Variants in SLC35F3 observed in about 807,000 individuals in gnomAD.
SLC35F3 encodes solute carrier family 35 member F3, also known as putative thiamine transporter SLC35F3.
In SLC35F3, 25 loss-of-function variants were observed where a neutral mutation model predicts 49.9. The ratio of observed to expected loss-of-function variants is 0.50; its 90% confidence interval spans 0.37 to 0.70. The LOEUF is 0.70. SLC35F3 is among the 30% of genes least tolerant of loss of function. SLC35F3 has a pLI of 0.00. For synonymous variants in SLC35F3, 275 were observed against 265.4 expected (o/e 1.04, Z -0.35); for missense variants, 525 against 639.8 (o/e 0.82, Z 1.94).
At chr1:234,041,049 C>T (rs1162329592) in intron 2 of SLC35F3, among the ~76,000 whole-genome samples, 2 of 152,104 alleles carry the variant, frequency 1.3e-5, no homozygotes, top group East Asian at 1.9e-4. Flanking sequence ...GAGGTATATT[C>T]GTTTTTAACT....
chr1:234,152,357 T>C (rs962764013), intron 2 of SLC35F3, among the ~76,000 whole-genome samples: 1 of 152,082 alleles, frequency 6.6e-6, no homozygotes, highest in Non-Finnish European at 1.5e-5. Flanking sequence ...CTACGTTAGG[T>C]ATTTCTCCTA....
chr1:234,040,359 G>T (rs74953868), intron 2 of SLC35F3, among the ~76,000 whole-genome samples: 1 of 152,106 alleles, frequency 6.6e-6, no homozygotes, highest in Non-Finnish European at 1.5e-5. Flanking sequence ...GTAAAAAGAC[G>T]TTATTCAAAA....
chr1:234,016,472 G>A (rs1393288713), intron 2 of SLC35F3, among the ~76,000 whole-genome samples: 2 of 152,186 alleles, frequency 1.3e-5, no homozygotes, highest in Non-Finnish European at 2.9e-5. Context: ...TCTTTAAAAG[G>A]AAGGACATTC....
intron 2 of SLC35F3, among the ~76,000 whole-genome samples, chr1:234,054,829 G>A (rs1469540521): frequency 6.6e-6 from 1 of 152,060 alleles, no homozygotes; most frequent in Admixed American, 6.6e-5. Context: ...TTTTGGTGTG[G>A]ATGTCCTTTC....
At position 234,134,247 on chromosome 1, in the gene SLC35F3, G is replaced by T. The variant is rs2102899655; in HGVS notation, c.284-97170G>T. On this transcript the variant is annotated intron_variant, in intron 2 of 7. Transcript: ENST00000366618. Reference sequence around the variant, plus strand: ...CTCTTGTAAAGTGTATTTTCTAATGGGAAAATTGTATATATATAATTAATT... The same window carrying T: ...CTCTTGTAAAGTGTATTTTCTAATGTGAAAATTGTATATATATAATTAATT... Among the ~76,000 whole-genome samples the T allele has an allele frequency of 1.3e-5, 2 of 149,146 alleles. 1 individual carries two copies. Among genetic ancestry groups the T allele is most frequent in the Middle Eastern group, 7.1e-3 (2 of 282 alleles).
intron 2 of SLC35F3, among the ~76,000 whole-genome samples, chr1:233,980,599 A>C (rs1479192344): frequency 6.6e-6 from 1 of 152,150 alleles, no homozygotes; most frequent in Non-Finnish European, 1.5e-5. Context: ...GTGACTAAAG[A>C]CTGAGGGCAC....
intron 2 of SLC35F3, among the ~76,000 whole-genome samples, chr1:234,181,284 C>T (rs1328751078): frequency 1.5e-5 from 2 of 135,840 alleles, no homozygotes; most frequent in Admixed American, 1.7e-4. Flanking sequence ...TGCAGTGAGT[C>T]GAGATTGTGT....
intron 3 of SLC35F3, among the ~76,000 whole-genome samples, chr1:234,280,254 T>C (rs1234608735): frequency 6.6e-6 from 1 of 152,218 alleles, no homozygotes; most frequent in Non-Finnish European, 1.5e-5. Context: ...GCCTACCAAA[T>C]CATTTTAGGC....
chr1:234,104,836 A>T (rs746588764), intron 2 of SLC35F3, among the ~76,000 whole-genome samples: 15 of 152,214 alleles, frequency 9.9e-5, no homozygotes, highest in Non-Finnish European at 1.9e-4. Flanking sequence ...TTGAGATTTA[A>T]AACAATCTTT....
At chr1:234,232,602 C>T (rs1667403011) in intron 3 of SLC35F3, among the ~76,000 whole-genome samples, 1 of 147,796 alleles carries the variant, frequency 6.8e-6, no homozygotes, top group South Asian at 2.2e-4. Flanking sequence ...GCCCTGGAAA[C>T]TTTTATCAGC....
At chr1:234,257,276 A>C (rs1353119371) in intron 3 of SLC35F3, among the ~76,000 whole-genome samples, 1 of 152,174 alleles carries the variant, frequency 6.6e-6, no homozygotes. Flanking sequence ...TAAATCCTTT[A>C]ATATTCAAGT....
chr1:234,031,328 T>G (rs1319190557), intron 2 of SLC35F3, among the ~76,000 whole-genome samples: 1 of 152,208 alleles, frequency 6.6e-6, no homozygotes, highest in African/African-American at 2.4e-5. Context: ...CACCTATGTG[T>G]GAACTCAAAA....
chr1:233,952,334 G>C (rs1236334963), intron 2 of SLC35F3, among the ~76,000 whole-genome samples: 1 of 152,036 alleles, frequency 6.6e-6, no homozygotes, highest in African/African-American at 2.4e-5. Flanking sequence ...TACTTATCTT[G>C]GAAGCAGGTG....
At chr1:233,976,718 C>G (rs1313706291) in intron 2 of SLC35F3, among the ~76,000 whole-genome samples, 1 of 152,100 alleles carries the variant, frequency 6.6e-6, no homozygotes, top group Admixed American at 6.5e-5. Context: ...TCAAGCAATT[C>G]TCCTGCCTCA....
intron 2 of SLC35F3, among the ~76,000 whole-genome samples, chr1:234,063,208 GGGGA>G (rs1408251529): frequency 1.3e-5 from 2 of 152,122 alleles, no homozygotes; most frequent in Non-Finnish European, 2.9e-5. Flanking sequence ...CAGATGAACT[GGGGA>G]GGAAGAGAGC....
At chr1:234,071,231 A>C (rs902496749) in intron 2 of SLC35F3, among the ~76,000 whole-genome samples, 1 of 152,208 alleles carries the variant, frequency 6.6e-6, no homozygotes, top group Non-Finnish European at 1.5e-5. Context: ...GTGCTAGTCA[A>C]ATGCTTTCTT....
chr1:234,155,420 A>T (rs1033605753), intron 2 of SLC35F3, among the ~76,000 whole-genome samples: 20 of 151,404 alleles, frequency 1.3e-4, no homozygotes, highest in Non-Finnish European at 2.4e-4. Context: ...TATTATTATT[A>T]TTTTTGAGAG....
chr1:234,190,565 A>G (rs1483650925), intron 2 of SLC35F3, among the ~76,000 whole-genome samples: 1 of 152,234 alleles, frequency 6.6e-6, no homozygotes, highest in Non-Finnish European at 1.5e-5. Flanking sequence ...TCCCAAATTT[A>G]TAAAACAAAT....
At chr1:233,932,550 C>T (rs528550003) in intron 2 of SLC35F3, among the ~76,000 whole-genome samples, 2 of 152,280 alleles carry the variant, frequency 1.3e-5, no homozygotes, top group African/African-American at 4.8e-5. Flanking sequence ...CTATCATCTT[C>T]TGGGTGGCAA....
Sources: allele counts gnomAD v4.1 joint callset (sites outside exome capture counted in the v4.1 genomes callset), GRCh38; gene constraint gnomAD v4.1.1; transcripts MANE v1.5; gene names NCBI Gene and HGNC (gene_info 2026-07-23, HGNC 2026-07-21).